TUSC3: variants seen among roughly 807,000 people sequenced by gnomAD.
TUSC3 encodes the protein tumor suppressor candidate 3.
TUSC3 carries 45 observed loss-of-function variants against 44.8 expected under a neutral mutation model. The ratio of observed to expected loss-of-function variants is 1.00; its 90% CI spans 0.79 to 1.29. The LOEUF (loss-of-function observed/expected upper bound fraction) is 1.29. Ranked by LOEUF, TUSC3 falls within the 50% of genes most tolerant of loss-of-function variation. The probability of loss-of-function intolerance (pLI) is 0.00; values close to 1 mark genes in which losing one functional copy is unlikely to be tolerated. For missense variants in TUSC3, 519 were observed against 437.9 expected (o/e 1.19, Z -1.65); for synonymous variants, 212 against 152.9 (o/e 1.39, Z -2.85).
intron 6 of TUSC3, among the ~76,000 whole-genome samples, chr8:15,716,407 G>T (rs760738202): frequency 2.0e-5 from 3 of 151,966 alleles, no homozygotes; most frequent in Non-Finnish European, 4.4e-5. Flanking sequence ...TGTTCAGTAA[G>T]TATGATTTTG....
intron 2 of TUSC3, among the ~76,000 whole-genome samples, chr8:15,638,222 G>T (rs1408651084): frequency 1.3e-5 from 2 of 150,188 alleles, no homozygotes; most frequent in Non-Finnish European, 3.0e-5. Context: ...TCCCTGTACA[G>T]TCTCCACCTT....
chr8:15,748,884 A>T (rs1382581799), intron 9 of TUSC3: 6 of 391,270 alleles, frequency 1.5e-5, no homozygotes, highest in South Asian at 1.1e-4. Flanking sequence ...ATAAGAGCCA[A>T]CATGAAAGGG....
At chr8:15,549,644 G>A (rs997867054) in intron 1 of TUSC3, among the ~76,000 whole-genome samples, 2 of 151,484 alleles carry the variant, frequency 1.3e-5, no homozygotes, top group African/African-American at 2.4e-5. Context: ...AAAAGAAAAC[G>A]GGGCCTCCCT....
chr8:15,673,729 C>T lies in TUSC3; in HGVS notation c.709-18C>T, dbSNP rs2129183463. Reference sequence around the variant, plus strand: ...ATTCTCTGGTTTACATATTGAAACACTGCACCCTGTTTTTCAGTGTATAGT... The same window carrying T: ...ATTCTCTGGTTTACATATTGAAACATTGCACCCTGTTTTTCAGTGTATAGT... On this transcript the variant is annotated intron_variant, in intron 5 of 10. Transcript: ENST00000503731. 6.3e-7 allele frequency: 1 copy of T among 1,597,498 alleles called. No individual in the cohort carries two copies. The highest frequency in any genetic ancestry group is 8.6e-7 in the Non-Finnish European group (1 of 1,165,412).
the TUSC3 span, among the ~76,000 whole-genome samples, chr8:15,829,550 C>G: frequency 2.0e-5 from 3 of 151,942 alleles, no homozygotes; most frequent in South Asian, 6.2e-4. Context: ...GCAAAGGTCT[C>G]TCTCAATTTT....
chr8:15,592,731 T>G (rs1394369336), intron 1 of TUSC3, among the ~76,000 whole-genome samples: 19 of 152,174 alleles, frequency 1.2e-4, no homozygotes, highest in Non-Finnish European at 2.1e-4. Flanking sequence ...AGATATTCCT[T>G]TATAGCAATG....
chr8:15,593,395 G>A (rs1212410907), intron 1 of TUSC3, among the ~76,000 whole-genome samples: 1 of 152,094 alleles, frequency 6.6e-6, no homozygotes, highest in African/African-American at 2.4e-5. Flanking sequence ...CAGTATATTA[G>A]TGTGCTTTTA....
intron 1 of TUSC3, among the ~76,000 whole-genome samples, chr8:15,442,149 C>A (rs1329917213): frequency 2.0e-5 from 3 of 151,792 alleles, no homozygotes; most frequent in South Asian, 2.1e-4. Flanking sequence ...GATTTTTTTT[C>A]TTCATTCTTA....
At chr8:15,433,677 T>G (rs937033660) in intron 1 of TUSC3, among the ~76,000 whole-genome samples, 2 of 152,172 alleles carry the variant, frequency 1.3e-5, no homozygotes, top group Non-Finnish European at 2.9e-5. Context: ...TTGCAGAATT[T>G]AACTAAATGG....
chr8:15,712,897 G>A (rs1051825570), intron 6 of TUSC3, among the ~76,000 whole-genome samples: 7 of 151,938 alleles, frequency 4.6e-5, no homozygotes, highest in Non-Finnish European at 8.8e-5. Context: ...TTCACTCCTC[G>A]GTACAGTTCA....
chr8:15,519,498 A>G (rs1801265666), intron 2 of TUSC3, among the ~76,000 whole-genome samples: 1 of 152,160 alleles, frequency 6.6e-6, no homozygotes, highest in Non-Finnish European at 1.5e-5. Context: ...GCCACACAGC[A>G]GGAGGTGAGT....
chr8:15,615,096 A>G (rs1252728571), intron 1 of TUSC3, among the ~76,000 whole-genome samples: 1 of 152,212 alleles, frequency 6.6e-6, no homozygotes, highest in East Asian at 1.9e-4. Context: ...ATATTCAGCA[A>G]TCTCAATGAT....
At chr8:15,805,208 T>G in the TUSC3 span, among the ~76,000 whole-genome samples, 1 of 152,288 alleles carries the variant, frequency 6.6e-6, no homozygotes, top group Middle Eastern at 3.4e-3. Context: ...TGAAGTTGTT[T>G]ATCAGGATCC....
At position 15,492,781 on chromosome 8, in the gene TUSC3, GAA is replaced by G. The variant is rs372432755; in HGVS notation, n.189+9310_189+9311del. 6.9e-4 allele frequency among the ~76,000 whole-genome samples: 95 copies of G among 137,186 alleles called. No homozygotes were observed. In the East Asian group the frequency reaches 0.014, roughly 21 times the overall value. The allele number at this position is 137,186 out of a possible 152,430, so 90.0% of individuals were successfully genotyped here. ...GTGAGATCCCGTTCTCCATAAAAAG[GAA>G]AAAAAAAAAAAGTGTAATAATATGT... On this transcript the variant is annotated intron_variant and non_coding_transcript_variant, in intron 2 of 5. Transcript: ENST00000503191.
At chr8:15,650,672 T>TA in intron 2 of TUSC3, 25 bp from the exon 3 acceptor site, 1 of 1,601,908 alleles carries the variant, frequency 6.2e-7, no homozygotes, top group Non-Finnish European at 8.6e-7. Flanking sequence ...GATGTGTTTC[T>TA]ACTATGGCCC....
intron 7 of TUSC3, among the ~76,000 whole-genome samples, chr8:15,732,909 G>A (rs948868784): frequency 6.6e-6 from 1 of 152,014 alleles, no homozygotes; most frequent in Admixed American, 6.6e-5. Flanking sequence ...ACGTGAAATT[G>A]GGCACATCTG....
At chr8:15,509,091 G>A (rs1801098197) in intron 2 of TUSC3, among the ~76,000 whole-genome samples, 2 of 152,162 alleles carry the variant, frequency 1.3e-5, no homozygotes, top group African/African-American at 4.8e-5. Context: ...AGCTGAGGGG[G>A]AGAGAGAAAA....
chr8:15,851,418 C>T, the TUSC3 span, among the ~76,000 whole-genome samples: 1 of 152,160 alleles, frequency 6.6e-6, no homozygotes, highest in Non-Finnish European at 1.5e-5. Context: ...ATTTATTGAG[C>T]AACTTACCAT....
chr8:15,745,751 T>G (rs1047941642), intron 8 of TUSC3, among the ~76,000 whole-genome samples: 2 of 151,986 alleles, frequency 1.3e-5, no homozygotes, highest in East Asian at 3.9e-4. Context: ...GTTGTCTGTT[T>G]ACTCTGTCTT....
Sources: gnomAD v4.1 joint callset for allele counts (sites outside exome capture counted in the v4.1 genomes callset) on GRCh38, gnomAD v4.1.1 for gene constraint, MANE v1.5 for transcripts, NCBI Gene and HGNC (gene_info 2026-07-23, HGNC 2026-07-21) for gene names.